The following STEAP1B variants were observed in gnomAD, a reference collection of about 807,000 sequenced individuals.
STEAP1B encodes the protein STEAP family protein MGC87042.
STEAP1B carries 13 observed loss-of-function variants against 27.9 expected under a neutral mutation model. The ratio of observed to expected loss-of-function variants is 0.47; its 90% CI spans 0.30 to 0.74. The LOEUF (loss-of-function observed/expected upper bound fraction) is 0.74, where lower values mean the gene tolerates loss of function less well. STEAP1B is among the 30% of genes least tolerant of loss of function. The pLI is 0.06. For missense variants in STEAP1B, 250 were observed against 298.7 expected (o/e 0.84, Z 1.20); for synonymous variants, 86 against 107.1 (o/e 0.80, Z 1.22).
intron 4 of STEAP1B, among the ~76,000 whole-genome samples, chr7:22,458,130 G>A (rs1201132831): frequency 1.3e-5 from 2 of 152,202 alleles, no homozygotes; most frequent in Non-Finnish European, 2.9e-5. Flanking sequence ...TTGACCATGA[G>A]GAGCTCTGCT....
At chr7:22,466,839 G>T (rs1044351004) in intron 4 of STEAP1B, among the ~76,000 whole-genome samples, 1 of 152,170 alleles carries the variant, frequency 6.6e-6, no homozygotes, top group South Asian at 2.1e-4. Context: ...GAGCCAAACT[G>T]CCTGGGTTCA....
chr7:22,439,836 C>G (rs1562568359), intron 4 of STEAP1B, among the ~76,000 whole-genome samples: 1 of 151,892 alleles, frequency 6.6e-6, no homozygotes, highest in East Asian at 1.9e-4. Flanking sequence ...TATGAAGTAT[C>G]CAACCACCCT....
intron 4 of STEAP1B, among the ~76,000 whole-genome samples, chr7:22,479,517 G>C (rs552388260): frequency 1.7e-4 from 26 of 152,204 alleles, no homozygotes; most frequent in Non-Finnish European, 2.9e-5. Flanking sequence ...GCAAGTAGGC[G>C]AAACAACTTG....
At chr7:22,454,793 G>C (rs1478430724) in intron 4 of STEAP1B, among the ~76,000 whole-genome samples, 1 of 107,520 alleles carries the variant, frequency 9.3e-6, no homozygotes, top group Non-Finnish European at 2.0e-5. Context: ...AACCTCACCT[G>C]ACCAAGCTTC....
intron 4 of STEAP1B, among the ~76,000 whole-genome samples, chr7:22,468,152 ATAAG>A (rs1278303525): frequency 6.6e-6 from 1 of 152,184 alleles, no homozygotes; most frequent in Non-Finnish European, 1.5e-5. Context: ...AGAATATAGT[ATAAG>A]TATGTTCAAA....
At chr7:22,467,672 T>C (rs1346922195) in intron 4 of STEAP1B, among the ~76,000 whole-genome samples, 1 of 152,156 alleles carries the variant, frequency 6.6e-6, no homozygotes, top group African/African-American at 2.4e-5. Context: ...ATCTCACTCT[T>C]CTCTTGTCTG....
rs1583358835 is a variant in STEAP1B, at chr7:22,498,753, T to C, written c.-32+1361A>G. 2.0e-5 allele frequency among the ~76,000 whole-genome samples: 3 copies of C among 152,198 alleles called. No homozygotes were observed. The South Asian group carries it at 6.2e-4, about 31-fold the overall frequency. ...GAGGAAAAGGCTCAGCGCTGTCTTC[T>C]AGACCCAGTCCTGGGGTAGCTAGCA... On this transcript the variant is annotated intron_variant, in intron 1 of 4. Transcript: ENST00000678116.
At chr7:22,484,258 C>T (rs1225695357) in intron 4 of STEAP1B, among the ~76,000 whole-genome samples, 6 of 152,188 alleles carry the variant, frequency 3.9e-5, no homozygotes, top group Non-Finnish European at 8.8e-5. Flanking sequence ...TCCAAAGCTA[C>T]AAAGGACAGG....
At chr7:22,449,251 T>C (rs971938887) in intron 4 of STEAP1B, among the ~76,000 whole-genome samples, 2 of 152,174 alleles carry the variant, frequency 1.3e-5, no homozygotes, top group Admixed American at 1.3e-4. Flanking sequence ...TCTATTTTTA[T>C]TGTACCCATT....
chr7:22,484,957 G>A (rs1786175570), intron 4 of STEAP1B, among the ~76,000 whole-genome samples: 1 of 152,244 alleles, frequency 6.6e-6, no homozygotes, highest in Non-Finnish European at 1.5e-5. Flanking sequence ...CTGTGACTGA[G>A]TTGCTGCAAT....
intron 4 of STEAP1B, among the ~76,000 whole-genome samples, chr7:22,463,829 G>A (rs570738598): frequency 1.7e-4 from 26 of 151,450 alleles, no homozygotes; most frequent in African/African-American, 5.6e-4. Flanking sequence ...AGACTTAAAC[G>A]TTAGACCTAA....
intron 4 of STEAP1B, among the ~76,000 whole-genome samples, chr7:22,454,857 A>AAATATAAATATG (rs1562572878): frequency 1.5e-5 from 1 of 68,102 alleles, no homozygotes; most frequent in Admixed American, 1.6e-4. Flanking sequence ...ATGTATATAT[A>AAATATAAATATG]TATATATATT....
rs59453902 is a variant in STEAP1B at position 22,471,893 on chromosome 7, CAAA to C, written c.762+20669_762+20671del. On this transcript the variant is annotated intron_variant, in intron 4 of 4. Coordinates refer to ENST00000678116, the MANE Select transcript of STEAP1B (RefSeq NM_001382447.1). ...ACTCCCGCCTGGGCAAACCTGTCTC[CAAA>C]AAAAAAAAAAAAAAAAAAAAAAGTT... Among the ~76,000 whole-genome samples the C allele has an allele frequency of 2.1e-3, 129 of 60,194 alleles. 2 individuals carry two copies. Among genetic ancestry groups the C allele is most frequent in the East Asian group, 9.2e-3 (17 of 1,840 alleles). The allele number at this position is 60,194 out of a possible 152,430, so 39.5% of individuals were successfully genotyped here.
intron 4 of STEAP1B, among the ~76,000 whole-genome samples, chr7:22,454,865 A>ATTTTTTTTTTTT (rs367804282): frequency 7.9e-6 from 1 of 126,164 alleles, no homozygotes; most frequent in African/African-American, 3.2e-5. Context: ...ATATATATAT[A>ATTTTTTTTTTTT]TTTTTTTTTT....
chr7:22,480,598 T>C (rs1361517527), intron 4 of STEAP1B, among the ~76,000 whole-genome samples: 1 of 152,220 alleles, frequency 6.6e-6, no homozygotes, highest in Non-Finnish European at 1.5e-5. Context: ...CTATCCACTC[T>C]ATTGAGAAAA....
intron 4 of STEAP1B, among the ~76,000 whole-genome samples, chr7:22,451,192 CA>C (rs34284408): frequency 0.78 from 114,676 of 146,320 alleles, 44,818 homozygotes; most frequent in East Asian, 0.86. Context: ...GATTCTGTCT[CA>C]AAAAAAAAAA....
chr7:22,450,934 CTT>C (rs1268671761), intron 4 of STEAP1B, among the ~76,000 whole-genome samples: 1 of 152,122 alleles, frequency 6.6e-6, no homozygotes, highest in African/African-American at 2.4e-5. Flanking sequence ...GTGGCTCATG[CTT>C]GCAATCCCAG....
intron 4 of STEAP1B, among the ~76,000 whole-genome samples, chr7:22,420,757 T>C (rs1785034112): frequency 6.6e-6 from 1 of 152,250 alleles, no homozygotes; most frequent in South Asian, 2.1e-4. Flanking sequence ...CCTGGGCACA[T>C]ACTTACATGG....
At chr7:22,491,893 A>C (rs1472071724) in intron 4 of STEAP1B, among the ~76,000 whole-genome samples, 1 of 152,202 alleles carries the variant, frequency 6.6e-6, no homozygotes, top group African/African-American at 2.4e-5. Context: ...AGAGACAGTA[A>C]TATGAGGATG....
Sources: allele counts gnomAD v4.1 joint callset (sites outside exome capture counted in the v4.1 genomes callset), GRCh38; gene constraint gnomAD v4.1.1; transcripts MANE v1.5; gene names NCBI Gene and HGNC (gene_info 2026-07-23, HGNC 2026-07-21).